TMEM116: variants seen among roughly 807,000 people sequenced by gnomAD.
The protein encoded by TMEM116 is transmembrane protein 116.
Under a neutral mutation model 44.3 loss-of-function variants are expected in TMEM116, and 38 were observed. That is an observed-to-expected ratio of 0.86 (90% CI 0.66 to 1.12). The LOEUF is 1.12. Among genes scored for constraint, TMEM116 ranks in the 50% most tolerant of loss-of-function variants. The pLI, the probability that TMEM116 is intolerant of heterozygous loss-of-function variation, is 0.00. For synonymous variants in TMEM116, 132 were observed against 144.8 expected (o/e 0.91, Z 0.64); for missense variants, 354 against 401.7 (o/e 0.88, Z 1.01).
intron 5 of TMEM116, among the ~76,000 whole-genome samples, chr12:111,940,472 T>TGTACACACACACAC (rs2072641219): frequency 2.0e-5 from 2 of 97,584 alleles, no homozygotes; most frequent in Non-Finnish European, 3.8e-5. Flanking sequence ...CACATATATA[T>TGTACACACACACAC]ATATACATAC....
In TMEM116 at chr12:111,981,479, C is replaced by T. The variant is rs572741389; in HGVS notation, c.210+10279G>A. Among the ~76,000 whole-genome samples the T allele has an allele frequency of 5.9e-5, 9 of 152,306 alleles. 2 individuals are homozygous for T. In the South Asian group the frequency reaches 1.9e-3, roughly 32 times the overall value. ...TATGGACCTTATTCTCAAATAATTG[C>T]AGCTACGTGTTTTGGTGTGTCTGGT... On this transcript the variant is annotated intron_variant, in intron 4 of 10. Transcript: ENST00000552374.
chr12:111,992,548 C>G (rs1016234436), intron 3 of TMEM116, among the ~76,000 whole-genome samples: 1 of 152,128 alleles, frequency 6.6e-6, no homozygotes, highest in Non-Finnish European at 1.5e-5. Context: ...GGATCACAGG[C>G]ATGAGCCAAA....
intron 3 of TMEM116, among the ~76,000 whole-genome samples, chr12:111,997,908 G>A (rs1396823750): frequency 6.6e-6 from 1 of 152,186 alleles, no homozygotes; most frequent in Non-Finnish European, 1.5e-5. Context: ...TAAAATTCCA[G>A]TTGGATGGCA....
In TMEM116 at chr12:111,946,979, T is replaced by A. The variant is rs186600132; in HGVS notation, c.211-3610A>T. 1.7e-3 allele frequency among the ~76,000 whole-genome samples: 254 copies of A among 152,260 alleles called. 1 individual carries two copies. The highest frequency in any genetic ancestry group is 3.1e-3 in the Non-Finnish European group (209 of 68,020). ...AGATTTGACTCCCAGGTCATCTAAATGAACTTTCCATAAAAAGAAAAAAAA... is the reference window on the plus strand; with the variant it reads ...AGATTTGACTCCCAGGTCATCTAAAAGAACTTTCCATAAAAAGAAAAAAAA... On this transcript the variant is annotated intron_variant, in intron 4 of 10. Coordinates refer to ENST00000552374, the MANE Select transcript of TMEM116 (RefSeq NM_001193531.2).
chr12:111,983,888 C>T (rs1164337067), intron 4 of TMEM116, among the ~76,000 whole-genome samples: 2 of 152,048 alleles, frequency 1.3e-5, no homozygotes, highest in African/African-American at 4.8e-5. Flanking sequence ...AAGAACAGAC[C>T]AATATCCCTG....
intron 5 of TMEM116, among the ~76,000 whole-genome samples, chr12:111,942,000 G>A (rs954150439): frequency 1.3e-5 from 2 of 152,066 alleles, no homozygotes; most frequent in African/African-American, 4.8e-5. Flanking sequence ...GTGCAATGGT[G>A]CAATCTTGGC....
intron 6 of TMEM116, 63 bp from the exon 7 acceptor site, chr12:111,937,306 G>T: frequency 7.9e-7 from 1 of 1,258,906 alleles, no homozygotes; most frequent in Non-Finnish European, 1.2e-6. Context: ...CTCCTTTGAA[G>T]AATATTCTCC....
intron 3 of TMEM116, among the ~76,000 whole-genome samples, chr12:111,996,994 T>C (rs1268234164): frequency 6.6e-6 from 1 of 152,206 alleles, no homozygotes; most frequent in Non-Finnish European, 1.5e-5. Flanking sequence ...AACCAAATTG[T>C]TTAAACATAC....
chr12:111,938,134 C>T (rs1406610113), intron 6 of TMEM116, 27 bp downstream of exon 6: 37 of 1,540,018 alleles, frequency 2.4e-5, no homozygotes, highest in Non-Finnish European at 3.1e-5. Flanking sequence ...GTCTACACCT[C>T]GCTAAGAAGT....
intron 4 of TMEM116, among the ~76,000 whole-genome samples, chr12:111,984,150 C>G (rs990318194): frequency 6.6e-6 from 1 of 151,630 alleles, no homozygotes; most frequent in Non-Finnish European, 1.5e-5. Context: ...AAAAGCCCAC[C>G]CAAAAAAACT....
intron 4 of TMEM116, among the ~76,000 whole-genome samples, chr12:111,956,687 T>G (rs2074115041): frequency 6.6e-6 from 1 of 152,174 alleles, no homozygotes; most frequent in Admixed American, 6.5e-5. Flanking sequence ...CTGGTTTTCG[T>G]ATTTTTTGGT....
intron 2 of TMEM116, among the ~76,000 whole-genome samples, chr12:112,004,763 T>A (rs1399291051): frequency 6.6e-6 from 1 of 152,050 alleles, no homozygotes; most frequent in Non-Finnish European, 1.5e-5. Context: ...TACAGACACA[T>A]ACCACCATGT....
At chr12:111,976,428 C>G (rs971200203) in intron 4 of TMEM116, among the ~76,000 whole-genome samples, 2 of 151,936 alleles carry the variant, frequency 1.3e-5, no homozygotes, top group Non-Finnish European at 2.9e-5. Context: ...TGCAGTGAGC[C>G]GAGATTGCGC....
intron 9 of TMEM116, 88 bp from the exon 10 acceptor site, chr12:111,932,747 A>G: frequency 9.8e-7 from 1 of 1,019,172 alleles, no homozygotes; most frequent in Non-Finnish European, 1.5e-6. Flanking sequence ...CATTATCAGA[A>G]TGGAAACAAT....
At chr12:112,013,193 G>A, upstream of TMEM116, 1 of 424,878 alleles carries the variant, frequency 2.4e-6, no homozygotes, top group Non-Finnish European at 4.2e-6. Context: ...GACTCGGCGA[G>A]TGCGCGCGCG....
intron 4 of TMEM116, among the ~76,000 whole-genome samples, chr12:111,964,634 A>G (rs1230236839): frequency 6.6e-6 from 1 of 152,184 alleles, no homozygotes; most frequent in Non-Finnish European, 1.5e-5. Flanking sequence ...TGATTAATTA[A>G]TAACTGCTAA....
intron 8 of TMEM116, 74 bp downstream of exon 8, chr12:111,936,618 C>T: frequency 6.6e-7 from 1 of 1,526,642 alleles, no homozygotes; most frequent in Non-Finnish European, 8.8e-7. Context: ...CCATCTTTCC[C>T]AGGTCCTGGG....
chr12:111,990,348 C>A (rs1362107941), intron 4 of TMEM116, among the ~76,000 whole-genome samples: 1 of 151,792 alleles, frequency 6.6e-6, no homozygotes, highest in Non-Finnish European at 1.5e-5. Flanking sequence ...GATTGAAGTT[C>A]AGAAAGATTA....
chr12:111,995,451 A>G (rs1341553754), intron 3 of TMEM116, among the ~76,000 whole-genome samples: 1 of 152,136 alleles, frequency 6.6e-6, no homozygotes, highest in Admixed American at 6.5e-5. Context: ...ACACTCAAAA[A>G]ATCAGTTCTA....
Sources: gnomAD v4.1 joint callset for allele counts (sites outside exome capture counted in the v4.1 genomes callset) on GRCh38, gnomAD v4.1.1 for gene constraint, MANE v1.5 for transcripts, NCBI Gene and HGNC (gene_info 2026-07-23, HGNC 2026-07-21) for gene names.